Variants in PRKN observed in about 807,000 individuals in gnomAD.
The protein encoded by PRKN is E3 ubiquitin-protein ligase parkin.
PRKN carries 56 observed loss-of-function variants against 59.5 expected under a neutral mutation model. The ratio of observed to expected loss-of-function variants is 0.94; its 90% CI spans 0.76 to 1.18. The LOEUF (loss-of-function observed/expected upper bound fraction) is 1.18. Ranked by LOEUF, PRKN falls within the 50% of genes most tolerant of loss-of-function variation. The pLI is 0.00. For synonymous variants in PRKN, 250 were observed against 222.1 expected (o/e 1.13, Z -1.12); for missense variants, 657 against 596.4 (o/e 1.10, Z -1.06).
chr6:162,183,590 C>T (rs1783892899), intron 4 of PRKN, among the ~76,000 whole-genome samples: 1 of 152,098 alleles, frequency 6.6e-6, no homozygotes, highest in Non-Finnish European at 1.5e-5. Flanking sequence ...AAATTATATG[C>T]CAAAGTATAC....
chr6:162,155,848 G>A (rs115788202), intron 4 of PRKN, among the ~76,000 whole-genome samples: 2,434 of 150,080 alleles, frequency 0.016, 69 homozygotes, highest in African/African-American at 0.055. Context: ...GGCTAAAGAA[G>A]GAACTAAAAC....
At chr6:162,711,340 C>T (rs2849519) in intron 1 of PRKN, among the ~76,000 whole-genome samples, 122,518 of 151,720 alleles carry the variant, frequency 0.81, 49,679 homozygotes, top group East Asian at 0.98. Context: ...GTCTGAGTGT[C>T]ACTGATACAG....
chr6:161,885,797 CTG>C (rs1205758703), intron 6 of PRKN, among the ~76,000 whole-genome samples: 6 of 151,518 alleles, frequency 4.0e-5, no homozygotes, highest in Admixed American at 1.3e-4. Context: ...AAAATATAAA[CTG>C]AAGTTAAGAA....
intron 2 of PRKN, among the ~76,000 whole-genome samples, chr6:162,416,608 A>G (rs535352258): frequency 2.0e-5 from 3 of 152,166 alleles, no homozygotes; most frequent in Non-Finnish European, 2.9e-5. Flanking sequence ...AACATCATCA[A>G]TCAGTTTTCT....
At chr6:161,439,111 C>G (rs1393643303) in intron 9 of PRKN, among the ~76,000 whole-genome samples, 1 of 152,176 alleles carries the variant, frequency 6.6e-6, no homozygotes. Context: ...GTCATAGTAA[C>G]ATAATGCAGC....
intron 4 of PRKN, among the ~76,000 whole-genome samples, chr6:162,068,158 G>A (rs1024927938): frequency 1.3e-5 from 2 of 152,148 alleles, no homozygotes; most frequent in Non-Finnish European, 2.9e-5. Context: ...TAGAATATAT[G>A]TCAATATCTT....
chr6:161,539,007 G>T (rs763142617), intron 9 of PRKN, among the ~76,000 whole-genome samples: 1 of 152,140 alleles, frequency 6.6e-6, no homozygotes, highest in Admixed American at 6.5e-5. Context: ...TCTTCATCAT[G>T]CCATGAGGCT....
intron 3 of PRKN, among the ~76,000 whole-genome samples, chr6:162,252,477 C>T (rs1221933033): frequency 6.6e-6 from 1 of 152,142 alleles, no homozygotes; most frequent in Non-Finnish European, 1.5e-5. Context: ...TGTTTCTGTC[C>T]CCAAATAATT....
intron 2 of PRKN, among the ~76,000 whole-genome samples, chr6:162,357,974 C>T (rs192523215): frequency 1.1e-4 from 16 of 152,218 alleles, no homozygotes; most frequent in Admixed American, 7.9e-4. Context: ...TTCTGCATGA[C>T]GTTATAACGG....
At chr6:162,538,688 G>A (rs780985254) in intron 1 of PRKN, among the ~76,000 whole-genome samples, 4 of 152,102 alleles carry the variant, frequency 2.6e-5, no homozygotes, top group Non-Finnish European at 4.4e-5. Flanking sequence ...GAGATCAACC[G>A]ATCTACAGAG....
chr6:161,523,469 G>C (rs1055716516), intron 9 of PRKN, among the ~76,000 whole-genome samples: 7 of 152,172 alleles, frequency 4.6e-5, no homozygotes, highest in Non-Finnish European at 8.8e-5. Context: ...ATTCACACTT[G>C]AGTTTGCTCA....
intron 1 of PRKN, among the ~76,000 whole-genome samples, chr6:162,448,092 T>G (rs1790409113): frequency 6.6e-6 from 1 of 152,172 alleles, no homozygotes; most frequent in Admixed American, 6.5e-5. Flanking sequence ...CTCAGTGCAC[T>G]GAAGGCAGGC....
intron 6 of PRKN, among the ~76,000 whole-genome samples, chr6:161,939,039 T>C (rs568466922): frequency 8.5e-5 from 13 of 152,304 alleles, no homozygotes; most frequent in Non-Finnish European, 5.9e-5. Context: ...AAGAAATCAA[T>C]ATTAGGGGAT....
Position 161,554,727 on chromosome 6 carries a change from T to C in PRKN, c.934-5724A>G, listed in dbSNP as rs200028115. 7.2e-6 allele frequency among the ~76,000 whole-genome samples: 1 copy of C among 138,374 alleles called. No homozygotes were observed. 90.8% of individuals were successfully genotyped at this position (138,374 alleles called of 152,430 possible). On this transcript the variant is annotated intron_variant, in intron 8 of 11. Coordinates refer to ENST00000366898, the MANE Select transcript of PRKN (RefSeq NM_004562.3). The surrounding 1 kb of genome is among the most constrained non-coding windows in gnomAD (Gnocchi z 4.5). ...CATACAGGGATTGTGTGTGTGTGTGTGTGTGTGTATATATATATATATATA... is the reference window on the plus strand; with the variant it reads ...CATACAGGGATTGTGTGTGTGTGTGCGTGTGTGTATATATATATATATATA...
chr6:162,283,393 T>C (rs919972539), intron 2 of PRKN, among the ~76,000 whole-genome samples: 2 of 152,232 alleles, frequency 1.3e-5, no homozygotes, highest in African/African-American at 4.8e-5. Flanking sequence ...TTTGTATGTA[T>C]GCATGGTTTT....
chr6:162,586,864 T>G (rs185993939), intron 1 of PRKN, among the ~76,000 whole-genome samples: 3 of 152,272 alleles, frequency 2.0e-5, no homozygotes, highest in African/African-American at 7.2e-5. Context: ...TTTAAAGAAA[T>G]GAGTTCAGTT....
At chr6:162,295,757 C>T (rs1046099203) in intron 2 of PRKN, among the ~76,000 whole-genome samples, 9 of 152,176 alleles carry the variant, frequency 5.9e-5, no homozygotes, top group African/African-American at 2.2e-4. Context: ...TGGGGCCTTA[C>T]ACACAAGCCT....
At chr6:162,709,206 T>C (rs960598982) in intron 1 of PRKN, among the ~76,000 whole-genome samples, 2 of 152,116 alleles carry the variant, frequency 1.3e-5, no homozygotes, top group Non-Finnish European at 2.9e-5. Flanking sequence ...TCATTATATA[T>C]TACAATGTAA....
intron 6 of PRKN, among the ~76,000 whole-genome samples, chr6:161,801,179 G>A (rs976265110): frequency 6.6e-6 from 1 of 152,206 alleles, no homozygotes; most frequent in Non-Finnish European, 1.5e-5. Context: ...CGCTGCATAA[G>A]TTCCACCCAC....
Sources: allele counts gnomAD v4.1 joint callset (sites outside exome capture counted in the v4.1 genomes callset), GRCh38; gene constraint gnomAD v4.1.1; non-coding constraint Gnocchi (gnomAD v3.1); transcripts MANE v1.5; gene names NCBI Gene and HGNC (gene_info 2026-07-23, HGNC 2026-07-21).